SELP: variants seen among roughly 807,000 people sequenced by gnomAD.
SELP encodes selectin P.
Under a neutral mutation model 104.1 loss-of-function variants are expected in SELP, and 92 were observed. The observed-to-expected ratio is 0.88, with a 90% CI of 0.75 to 1.05. SELP has a LOEUF of 1.05. Among genes scored for constraint, SELP ranks in the 50% least tolerant of loss-of-function variants. SELP has a pLI of 0.00. For missense variants in SELP, 1,022 were observed against 1,017.3 expected (o/e 1.00, Z -0.06); for synonymous variants, 397 against 364.5 (o/e 1.09, Z -1.01).
chr1:169,590,646 G>A (rs1487222736), intron 15 of SELP, among the ~76,000 whole-genome samples: 2 of 152,244 alleles, frequency 1.3e-5, no homozygotes, highest in East Asian at 3.9e-4. Context: ...CGACAATAGA[G>A]TTCATATAAG....
chr1:169,602,012 A>G (rs1661932634), intron 10 of SELP, among the ~76,000 whole-genome samples: 1 of 152,198 alleles, frequency 6.6e-6, no homozygotes, highest in African/African-American at 2.4e-5. Flanking sequence ...CTATTTTAGA[A>G]CATAAAATAT....
Position 169,597,183 on chromosome 1 carries a change from T to A in SELP, c.1706-7A>T. Reference sequence around the variant, plus strand: ...AGTTCTGGGCACTTGATGGCTAGAGTATCAAATTAAGAGTGTCACAATCTC... The same window carrying A: ...AGTTCTGGGCACTTGATGGCTAGAGAATCAAATTAAGAGTGTCACAATCTC... On this transcript the variant is annotated splice_region_variant and splice_polypyrimidine_tract_variant and intron_variant, in intron 10 of 16. Transcript: ENST00000263686. The A allele has an allele frequency of 3.2e-6, 5 of 1,579,352 alleles. No homozygotes were observed. The highest frequency in any genetic ancestry group is 4.3e-6 in the Non-Finnish European group (5 of 1,160,670).
chr1:169,603,693 A>G (rs1662038286), intron 9 of SELP, among the ~76,000 whole-genome samples: 1 of 152,144 alleles, frequency 6.6e-6, no homozygotes, highest in South Asian at 2.1e-4. Flanking sequence ...CCCTTTCCCA[A>G]CCAAGTGGTG....
At chr1:169,611,451 C>G (rs753484820) in intron 7 of SELP, 41 bp downstream of exon 7, 2 of 1,596,364 alleles carry the variant, frequency 1.3e-6, no homozygotes, top group Non-Finnish European at 1.7e-6. Flanking sequence ...TGCCATGATT[C>G]CTTCTTGGAC....
chr1:169,627,170 C>T (rs1382135664), intron 1 of SELP, among the ~76,000 whole-genome samples: 1 of 152,128 alleles, frequency 6.6e-6, no homozygotes, highest in African/African-American at 2.4e-5. Context: ...TAGCAAAGCC[C>T]AGATGTTACA....
At chr1:169,622,766 ATACTT>A (rs1287544720) in intron 1 of SELP, among the ~76,000 whole-genome samples, 1 of 152,326 alleles carries the variant, frequency 6.6e-6, no homozygotes, top group Non-Finnish European at 1.5e-5. Context: ...AATCAAGAAA[ATACTT>A]TAAGCTTAAA....
At position 169,612,342 on chromosome 1, in the gene SELP, G is replaced by T. The variant is rs773844294; in HGVS notation, c.836C>A (p.Ala279Glu). 3 of 1,613,998 alleles carry T rather than the reference G, an allele frequency of 1.9e-6. No individual in the cohort carries two copies. In the Admixed American group the frequency reaches 5.0e-5, roughly 27 times the overall value. The change falls in exon 6 of 17, where the codon GCA becomes GAA. Residue 279 changes from alanine to glutamate, a missense_variant. Physicochemically the swap from Ala to Glu is moderately radical, Grantham distance 107 (BLOSUM62 -1). Transcript: ENST00000263686. ...GCTAGACTGATGCTGGAATGCTTTT[G>T]CAGAATGAAGGCAGGTCATGTTTCC... ...ERGNMTCLHS[A>E]KAFQHQSSCS...
chr1:169,619,977 C>T (rs3917695), intron 1 of SELP, among the ~76,000 whole-genome samples: 5 of 151,612 alleles, frequency 3.3e-5, no homozygotes, highest in South Asian at 4.2e-4. Context: ...CTGAGGTGGG[C>T]GGATCATGAG....
At chr1:169,593,799 A>G in intron 13 of SELP, 75 bp from the exon 14 acceptor site, 3 of 1,528,506 alleles carry the variant, frequency 2.0e-6, no homozygotes, top group Non-Finnish European at 8.9e-7. Context: ...TCTCCCAGAA[A>G]GTTTTCAAGA....
At chr1:169,609,358 A>G in intron 8 of SELP, 146 bp downstream of exon 8, 1 of 762,220 alleles carries the variant, frequency 1.3e-6, no homozygotes, top group Non-Finnish European at 2.1e-6. Context: ...GTTTCATCTC[A>G]TCCCTGGTCC....
chr1:169,613,044 GAA>G lies in SELP; in HGVS notation c.658_659del (p.Phe220LeufsTer3). 1 of 1,613,864 alleles carries G rather than the reference GAA, an allele frequency of 6.2e-7. No individual in the cohort carries two copies. Among genetic ancestry groups the G allele is most frequent in the Non-Finnish European group, 8.5e-7 (1 of 1,179,838 alleles). On this transcript the variant is annotated frameshift_variant, in exon 5 of 17. Transcript: ENST00000263686. LOFTEE classifies it high-confidence loss of function. Reference sequence around the variant, plus strand: ...GGAAGCTGCACTGCGAGTTAAAAGAGAAGTTTCCCAGAGGGTGGCTGCAGTTC... The same window carrying G: ...GGAAGCTGCACTGCGAGTTAAAAGAGGTTTCCCAGAGGGTGGCTGCAGTTC... ...LMNCSHPLGN[F>X]SFNSQCSFHC...
intron 10 of SELP, among the ~76,000 whole-genome samples, chr1:169,601,127 A>G (rs1312405937): frequency 6.6e-6 from 1 of 152,218 alleles, no homozygotes; most frequent in Admixed American, 6.5e-5. Flanking sequence ...ATGTGGGAAA[A>G]TAGAACTTAT....
intron 7 of SELP, among the ~76,000 whole-genome samples, chr1:169,611,130 C>T (rs1429778440): frequency 2.6e-5 from 4 of 152,174 alleles, no homozygotes; most frequent in African/African-American, 7.2e-5. Context: ...TTGTCAAAGG[C>T]TACCCTCAAA....
intron 10 of SELP, among the ~76,000 whole-genome samples, chr1:169,598,010 G>A (rs1159837759): frequency 6.6e-6 from 1 of 152,130 alleles, no homozygotes; most frequent in African/African-American, 2.4e-5. Flanking sequence ...CTACTGGATG[G>A]GAAAGTGTCT....
At chr1:169,620,958 T>A (rs1571676068) in intron 1 of SELP, among the ~76,000 whole-genome samples, 1 of 138,984 alleles carries the variant, frequency 7.2e-6, no homozygotes, top group South Asian at 2.2e-4. Flanking sequence ...TCTGTGTGTG[T>A]GTGTGTGTGT....
chr1:169,590,213 G>C lies in SELP; in HGVS notation c.2439-11C>G, dbSNP rs759398304. Reference sequence around the variant, plus strand: ...TATGTTCCTAGGTGGCTAAAGAACAGAAACACAAGGATGGCAACAATATAC... The same window carrying C: ...TATGTTCCTAGGTGGCTAAAGAACACAAACACAAGGATGGCAACAATATAC... On this transcript the variant is annotated splice_polypyrimidine_tract_variant and intron_variant, in intron 15 of 16. Coordinates refer to ENST00000263686, the MANE Select transcript of SELP (RefSeq NM_003005.4). 6 of 1,607,830 alleles carry C rather than the reference G, an allele frequency of 3.7e-6. No homozygotes were observed. Among genetic ancestry groups the C allele is most frequent in the Non-Finnish European group, 4.3e-6 (5 of 1,174,582 alleles).
At chr1:169,615,913 G>C (rs1245740336) in intron 3 of SELP, among the ~76,000 whole-genome samples, 1 of 152,182 alleles carries the variant, frequency 6.6e-6, no homozygotes, top group Non-Finnish European at 1.5e-5. Flanking sequence ...ATGTATGGCA[G>C]ATGATTTATC....
chr1:169,607,566 T>C (rs1662264788), intron 8 of SELP, among the ~76,000 whole-genome samples: 1 of 152,160 alleles, frequency 6.6e-6, no homozygotes, highest in South Asian at 2.1e-4. Context: ...TAATATATTT[T>C]AACTTGTAAA....
Position 169,613,494 on chromosome 1 carries a change from T to C in SELP, c.589+92A>G, listed in dbSNP as rs1317191956. The C allele has an allele frequency of 4.2e-6, 4 of 956,130 alleles. No individual in the cohort carries two copies. The African/African-American group carries it at 6.5e-5, about 15-fold the overall frequency. 59.2% of individuals were successfully genotyped at this position (956,130 alleles called of 1,614,324 possible). On this transcript the variant is annotated intron_variant, in intron 4 of 16. Coordinates refer to ENST00000263686, the MANE Select transcript of SELP (RefSeq NM_003005.4). The stretch of plus-strand genomic sequence containing the variant: ...TAGAGGGGGGCTGGTACCATCCTAT[T>C]CTCACTGGAGAGACTTCAACATGAT...
Sources: allele counts gnomAD v4.1 joint callset (sites outside exome capture counted in the v4.1 genomes callset), GRCh38; gene constraint gnomAD v4.1.1; transcripts MANE v1.5; gene names NCBI Gene and HGNC (gene_info 2026-07-23, HGNC 2026-07-21).